TINAG: variants seen among roughly 807,000 people sequenced by gnomAD.
TINAG encodes tubulointerstitial nephritis antigen.
A neutral mutation model predicts 72.7 loss-of-function variants in TINAG; 83 were observed. That is an observed-to-expected ratio of 1.14 (90% CI 0.96 to 1.37). The LOEUF is 1.37. Ranked by LOEUF, TINAG falls within the 40% of genes most tolerant of loss-of-function variation. The probability of loss-of-function intolerance (pLI) is 0.00; values close to 1 mark genes in which losing one functional copy is unlikely to be tolerated. For missense variants in TINAG, 685 were observed against 576.6 expected (o/e 1.19, Z -1.93); for synonymous variants, 234 against 189.9 (o/e 1.23, Z -1.91).
chr6:54,335,068 T>G (rs536939201), intron 4 of TINAG, among the ~76,000 whole-genome samples: 1 of 152,314 alleles, frequency 6.6e-6, no homozygotes, highest in African/African-American at 2.4e-5. Context: ...TTGCTTTTAT[T>G]GAGGGCCACG....
intron 6 of TINAG, among the ~76,000 whole-genome samples, chr6:54,348,136 A>G (rs1269905617): frequency 6.6e-6 from 1 of 152,112 alleles, no homozygotes; most frequent in African/African-American, 2.4e-5. Flanking sequence ...AGTGTTATAT[A>G]TATGTACTGC....
intron 10 of TINAG, among the ~76,000 whole-genome samples, chr6:54,383,877 C>T (rs1764021079): frequency 6.6e-6 from 1 of 152,080 alleles, no homozygotes; most frequent in African/African-American, 2.4e-5. Context: ...GATTATAAAT[C>T]ATTCCATTAT....
chr6:54,344,086 T>C (rs1207762868), intron 5 of TINAG, among the ~76,000 whole-genome samples: 1 of 152,192 alleles, frequency 6.6e-6, no homozygotes, highest in Non-Finnish European at 1.5e-5. Context: ...GATGATTGGC[T>C]GTCATTCAAT....
In TINAG at chr6:54,354,601, T is replaced by C. The variant is rs150315283; in HGVS notation, c.1215T>C (p.Tyr405=). The C allele has an allele frequency of 5.6e-6, 9 of 1,610,788 alleles. No homozygotes were observed. The African/African-American group carries it at 1.1e-4, about 19-fold the overall frequency. Residue 405 remains tyrosine (Y), a synonymous_variant, in exon 9 of 11, where the codon TAT becomes TAC. Transcript: ENST00000259782. ...VTSTNKESEK[Y]RKLQTHAVKL... is the part of the protein sequence containing the mutation. The stretch of plus-strand genomic sequence containing the variant: ...GCACAAATAAAGAATCAGAAAAATA[T>C]CGAAAGCTTCAGACACATGCAGTCA...
chr6:54,338,825 A>G (rs1262345667), intron 4 of TINAG, among the ~76,000 whole-genome samples: 2 of 152,124 alleles, frequency 1.3e-5, no homozygotes, highest in Admixed American at 1.3e-4. Flanking sequence ...CAAATCCTGA[A>G]CATTTAACAC....
In TINAG at chr6:54,349,839, C is replaced by T. The variant is rs747224411; in HGVS notation, c.1023C>T (p.Asn341=). 33 of 1,609,816 alleles carry T rather than the reference C, an allele frequency of 2.0e-5. No individual in the cohort carries two copies. The Admixed American group carries it at 3.0e-4, about 15-fold the overall frequency. The change falls in exon 7 of 11, where the codon AAC becomes AAT. Residue 341 remains asparagine, a synonymous_variant. Coordinates refer to ENST00000259782, the MANE Select transcript of TINAG (RefSeq NM_014464.4). ...KRHATKPCPN[N]VEKSNRIYQC... is the part of the protein sequence containing the mutation. ...ATGCCACGAAGCCATGTCCCAACAA[C>T]GTAGAAAAATCTAACAGGATCTATC...
chr6:54,366,603 GGAGA>G (rs112104486), intron 9 of TINAG, among the ~76,000 whole-genome samples: 15 of 147,626 alleles, frequency 1.0e-4, no homozygotes, highest in South Asian at 4.3e-4. Context: ...AGGGAGGGAG[GGAGA>G]GAGAGAGAGA....
intron 2 of TINAG, 135 bp from the exon 3 acceptor site, chr6:54,321,162 A>G: frequency 1.4e-6 from 1 of 722,404 alleles, no homozygotes; most frequent in Non-Finnish European, 2.4e-6. Context: ...TATTTTTGCC[A>G]AGAATCAAAT....
At chr6:54,367,907 T>G (rs1763482835) in intron 9 of TINAG, among the ~76,000 whole-genome samples, 1 of 151,806 alleles carries the variant, frequency 6.6e-6, no homozygotes, top group African/African-American at 2.4e-5. Flanking sequence ...ACTGTCTTGC[T>G]GTGTCCTCAC....
intron 4 of TINAG, among the ~76,000 whole-genome samples, chr6:54,329,793 T>C (rs987006641): frequency 6.6e-6 from 1 of 150,698 alleles, no homozygotes. Context: ...ACCAAGTAAA[T>C]GGAAAGAAAA....
chr6:54,373,287 A>G (rs912223413), intron 9 of TINAG, among the ~76,000 whole-genome samples: 1 of 151,904 alleles, frequency 6.6e-6, no homozygotes, highest in African/African-American at 2.4e-5. Flanking sequence ...CAAAACTTTC[A>G]CGATTTCTCT....
intron 3 of TINAG, among the ~76,000 whole-genome samples, chr6:54,326,596 T>A (rs1224947950): frequency 6.6e-6 from 1 of 152,130 alleles, no homozygotes; most frequent in Admixed American, 6.6e-5. Context: ...GAAATGGACC[T>A]TATTTAGGAA....
chr6:54,345,364 T>C (rs912272272), intron 5 of TINAG, among the ~76,000 whole-genome samples: 2 of 152,124 alleles, frequency 1.3e-5, no homozygotes, highest in Non-Finnish European at 2.9e-5. Context: ...TACAGATTTG[T>C]GAGGCTGGAA....
intron 9 of TINAG, among the ~76,000 whole-genome samples, chr6:54,367,800 CATTT>C (rs1763479335): frequency 6.6e-6 from 1 of 151,808 alleles, no homozygotes; most frequent in African/African-American, 2.4e-5. Flanking sequence ...ACCTACACAA[CATTT>C]ATTTCTCACA....
chr6:54,317,199 C>T (rs1283748639), intron 1 of TINAG, among the ~76,000 whole-genome samples: 1 of 152,092 alleles, frequency 6.6e-6, no homozygotes, highest in Non-Finnish European at 1.5e-5. Context: ...CTTCTCTTAT[C>T]TTTTCAATAC....
chr6:54,323,256 C>T (rs189207988), intron 3 of TINAG, among the ~76,000 whole-genome samples: 2 of 151,816 alleles, frequency 1.3e-5, no homozygotes, highest in African/African-American at 2.4e-5. Flanking sequence ...CATATAAAAA[C>T]CAAAGGAAAA....
At chr6:54,349,927 T>A in intron 7 of TINAG, 31 bp downstream of exon 7, 1 of 1,485,736 alleles carries the variant, frequency 6.7e-7, no homozygotes, top group Non-Finnish European at 9.1e-7. Flanking sequence ...TCAAGAATAG[T>A]TGGCTTTCTC....
At chr6:54,324,028 T>A (rs1451572842) in intron 3 of TINAG, among the ~76,000 whole-genome samples, 1 of 152,168 alleles carries the variant, frequency 6.6e-6, no homozygotes, top group African/African-American at 2.4e-5. Flanking sequence ...CACTATCATA[T>A]CTTTATAAAA....
chr6:54,379,491 C>T (rs1032986959), intron 9 of TINAG, among the ~76,000 whole-genome samples: 4 of 152,090 alleles, frequency 2.6e-5, no homozygotes, highest in African/African-American at 7.2e-5. Flanking sequence ...TGTATCCATA[C>T]ATACATGTGT....
Sources: allele counts gnomAD v4.1 joint callset (sites outside exome capture counted in the v4.1 genomes callset), GRCh38; gene constraint gnomAD v4.1.1; transcripts MANE v1.5; gene names NCBI Gene and HGNC (gene_info 2026-07-23, HGNC 2026-07-21).